GPNMB: variants seen among roughly 807,000 people sequenced by gnomAD.
The protein encoded by GPNMB is transmembrane glycoprotein NMB.
A neutral mutation model predicts 57.3 loss-of-function variants in GPNMB; 71 were observed. That is an observed-to-expected ratio of 1.24 (90% confidence interval 1.02 to 1.51). The LOEUF (loss-of-function observed/expected upper bound fraction) is 1.51, where lower values mean the gene tolerates loss of function less well. Ranked by LOEUF, GPNMB falls within the 40% of genes most tolerant of loss-of-function variation. The probability of loss-of-function intolerance (pLI) is 0.00; values close to 1 mark genes in which losing one functional copy is unlikely to be tolerated. For synonymous variants in GPNMB, 253 were observed against 263.2 expected (o/e 0.96, Z 0.38); for missense variants, 677 against 691.9 (o/e 0.98, Z 0.24).
At chr7:23,254,626 T>C (rs1184195294) in intron 3 of GPNMB, among the ~76,000 whole-genome samples, 1 of 152,204 alleles carries the variant, frequency 6.6e-6, no homozygotes, top group Non-Finnish European at 1.5e-5. Flanking sequence ...AGATTTTGCT[T>C]TTATTACTTG....
At chr7:23,246,995 A>G (rs17147944) in intron 1 of GPNMB, 68 bp downstream of exon 1, 14,457 of 1,147,654 alleles carry the variant, frequency 0.013, 558 homozygotes, top group East Asian at 0.099. Flanking sequence ...GGCTAATAAT[A>G]TCCTCTGAAC....
chr7:23,274,286 G>T lies in GPNMB; in HGVS notation c.*62G>T. 8.1e-7 allele frequency: 1 copy of T among 1,237,502 alleles called. No individual in the cohort carries two copies. Among genetic ancestry groups the T allele is most frequent in the Non-Finnish European group, 1.2e-6 (1 of 863,712 alleles). 76.7% of individuals were successfully genotyped at this position (1,237,502 alleles called of 1,614,324 possible). A position where few individuals can be genotyped will look rare whatever the true frequency, so the allele number is the denominator to read the frequency against. On this transcript the variant is annotated 3_prime_UTR_variant, in exon 11 of 11. Coordinates refer to ENST00000258733, the MANE Select transcript of GPNMB (RefSeq NM_002510.3). ...CATTGATGTGAGATGTGCTGGAGTG[G>T]CTATTAACCTTTTTTTCCTAAAGAT...
In GPNMB at chr7:23,246,916, A is replaced by G. The variant is rs1427186831; in HGVS notation, c.59A>G (p.Asp20Gly). ...CTCCTGGCTGCAAGATTGCCACTTG[A>G]TGCCGCCAAACGTGAGTAACCCTTA... is the stretch of plus-strand genomic sequence containing the variant. ...FLLLAARLPLDAAKRFHDVLG... is the reference protein window; with the variant it reads ...FLLLAARLPLGAAKRFHDVLG... The change falls in exon 1 of 11, where the codon GAT becomes GGT. Residue 20 changes from aspartate (D) to glycine (G), a missense_variant. By Grantham distance (94) the Asp-to-Gly change is moderately conservative (BLOSUM62 -1). Coordinates refer to ENST00000258733, the MANE Select transcript of GPNMB (RefSeq NM_002510.3). The G allele has an allele frequency of 3.1e-6, 5 of 1,612,106 alleles. No individual in the cohort carries two copies. The African/African-American group carries it at 5.3e-5, about 17-fold the overall frequency.
chr7:23,246,827 C>G lies in GPNMB; in HGVS notation c.-31C>G. The G allele has an allele frequency of 6.4e-7, 1 of 1,561,208 alleles. No homozygotes were observed. The highest frequency in any genetic ancestry group is 8.8e-7 in the Non-Finnish European group (1 of 1,131,720). On this transcript the variant is annotated 5_prime_UTR_variant, in exon 1 of 11. Transcript: ENST00000258733. ...GGGCCCAGAGGAATTCAGAGTTAAA[C>G]CTTGAGTGCCTGCGTCCGTGAGAAT... is the stretch of plus-strand genomic sequence containing the variant.
rs142634161 is a variant in GPNMB, at chr7:23,270,599, C to T, written c.1429+424C>T. 2.8e-3 allele frequency among the ~76,000 whole-genome samples: 431 copies of T among 152,266 alleles called. 2 individuals are homozygous for T. The highest frequency in any genetic ancestry group is 9.6e-3 in the African/African-American group (400 of 41,546). ...AATCCACCTGAGCAAAGATATGAAGCCTGGAAGAGAAATGAGACACAAGCT... is the reference window on the plus strand; with the variant it reads ...AATCCACCTGAGCAAAGATATGAAGTCTGGAAGAGAAATGAGACACAAGCT... On this transcript the variant is annotated intron_variant, in intron 9 of 10. Coordinates refer to ENST00000258733, the MANE Select transcript of GPNMB (RefSeq NM_002510.3).
chr7:23,257,019 C>A lies in GPNMB; in HGVS notation c.495C>A (p.His165Gln). 1 of 1,614,126 alleles carries A rather than the reference C, an allele frequency of 6.2e-7. No individual in the cohort carries two copies. Among genetic ancestry groups the A allele is most frequent in the Non-Finnish European group, 8.5e-7 (1 of 1,179,936 alleles). Residue 165 changes from histidine to glutamine, a missense_variant, in exon 4 of 11, where the codon CAC (histidine) becomes CAA (glutamine). Coordinates refer to ENST00000258733, the MANE Select transcript of GPNMB (RefSeq NM_002510.3). ...VFPDGKPFPH[H>Q]PGWRRWNFIY... ...CTGATGGGAAACCTTTTCCTCACCA[C>A]CCCGGATGGAGAAGATGGAATTTCA...
chr7:23,251,235 A>G (rs1782653282), intron 1 of GPNMB, among the ~76,000 whole-genome samples: 1 of 152,148 alleles, frequency 6.6e-6, no homozygotes. Flanking sequence ...CCTACCAGAG[A>G]AGAGGAATAG....
chr7:23,266,666 G>A (rs1783071450), intron 7 of GPNMB, 51 bp downstream of exon 7: 1 of 1,558,928 alleles, frequency 6.4e-7, no homozygotes, highest in Non-Finnish European at 8.8e-7. Context: ...CTCCACCTAG[G>A]GTCACCCACT....
chr7:23,265,949 C>T (rs986527981), intron 6 of GPNMB, among the ~76,000 whole-genome samples: 27 of 150,188 alleles, frequency 1.8e-4, no homozygotes, highest in African/African-American at 6.6e-4. Flanking sequence ...CATTTTAATA[C>T]AGTTTCAACC....
chr7:23,269,829 A>G, intron 8 of GPNMB, 138 bp from the exon 9 acceptor site: 2 of 684,758 alleles, frequency 2.9e-6, no homozygotes, highest in Non-Finnish European at 5.2e-6. Flanking sequence ...ACAATTCAGC[A>G]TCTTATAGTT....
intron 10 of GPNMB, 58 bp downstream of exon 10, chr7:23,273,672 A>G (rs1783267632): frequency 9.2e-7 from 1 of 1,086,492 alleles, no homozygotes; most frequent in Non-Finnish European, 1.4e-6. Context: ...AAGTGAATAT[A>G]TCTCTGTGTA....
intron 9 of GPNMB, among the ~76,000 whole-genome samples, chr7:23,272,174 A>G (rs1310077854): frequency 2.0e-5 from 3 of 152,214 alleles, no homozygotes; most frequent in Admixed American, 2.0e-4. Flanking sequence ...GTTTAGAATT[A>G]CCTTTAGAGT....
chr7:23,269,944 C>CT (rs754947773), intron 8 of GPNMB, 23 bp from the exon 9 acceptor site: 2 of 1,591,506 alleles, frequency 1.3e-6, no homozygotes, highest in Non-Finnish European at 1.7e-6. Flanking sequence ...CCTGTGCGCC[C>CT]TCGCCCACCT....
Position 23,260,095 on chromosome 7 carries a change from A to G in GPNMB, c.657A>G (p.Ala219=), listed in dbSNP as rs1782878604. 6.2e-7 allele frequency: 1 copy of G among 1,614,022 alleles called. No individual in the cohort carries two copies. The highest frequency in any genetic ancestry group is 1.3e-5 in the African/African-American group (1 of 75,052). The stretch of plus-strand genomic sequence containing the variant: ...CTGTCTACAGAAGACATGGACGGGC[A>G]TATGTTCCCATCGCACAAGTGAAAG... ...EVTVYRRHGR[A]YVPIAQVKDV... The change falls in exon 5 of 11, where the codon GCA becomes GCG. Residue 219 remains alanine, a synonymous_variant. Coordinates refer to ENST00000258733, the MANE Select transcript of GPNMB (RefSeq NM_002510.3).
intron 6 of GPNMB, among the ~76,000 whole-genome samples, chr7:23,261,241 A>G (rs1438130661): frequency 6.6e-6 from 1 of 152,154 alleles, no homozygotes; most frequent in African/African-American, 2.4e-5. Flanking sequence ...CTTGAAAGCA[A>G]TTTCCAAATG....
chr7:23,252,606 A>G (rs2128481111), intron 1 of GPNMB, among the ~76,000 whole-genome samples: 1 of 152,380 alleles, frequency 6.6e-6, no homozygotes, highest in East Asian at 1.9e-4. Context: ...AAGCTTCAAA[A>G]TACATACAGC....
chr7:23,254,096 A>G, intron 2 of GPNMB, 73 bp from the exon 3 acceptor site: 1 of 1,433,654 alleles, frequency 7.0e-7, no homozygotes, highest in South Asian at 1.4e-5. Context: ...TTATTAATAA[A>G]GTTAGCTCTA....
Position 23,256,876 on chromosome 7 carries a change from T to G in GPNMB, c.368-16T>G. Reference sequence around the variant, plus strand: ...AGCCTAGATAACACTCATGGCTGGTTTCTATCTCTGTTTAGAGGCTGGTTT... The same window carrying G: ...AGCCTAGATAACACTCATGGCTGGTGTCTATCTCTGTTTAGAGGCTGGTTT... On this transcript the variant is annotated splice_polypyrimidine_tract_variant and intron_variant, in intron 3 of 10. Transcript: ENST00000258733. The G allele has an allele frequency of 1.9e-6, 3 of 1,610,770 alleles. No homozygotes were observed. In the South Asian group the frequency reaches 3.3e-5, roughly 18 times the overall value.
At chr7:23,251,550 G>A (rs186785835) in intron 1 of GPNMB, among the ~76,000 whole-genome samples, 115 of 152,284 alleles carry the variant, frequency 7.6e-4, no homozygotes, top group African/African-American at 2.8e-3. Flanking sequence ...TTTCATTGAA[G>A]GCTCCATTTC....
Sources: gnomAD v4.1 joint callset for allele counts (sites outside exome capture counted in the v4.1 genomes callset) on GRCh38, gnomAD v4.1.1 for gene constraint, MANE v1.5 for transcripts, NCBI Gene and HGNC (gene_info 2026-07-23, HGNC 2026-07-21) for gene names.